BICD1: variants seen among roughly 807,000 people sequenced by gnomAD.
BICD1 encodes protein bicaudal D homolog 1.
BICD1 carries 35 observed loss-of-function variants against 92.5 expected under a neutral mutation model. That is an observed-to-expected ratio of 0.38 (90% confidence interval 0.29 to 0.50). BICD1 has a LOEUF of 0.50. BICD1 is among the 20% of genes least tolerant of loss of function. BICD1 has a pLI of 0.93. For missense variants in BICD1, 950 were observed against 1,189.8 expected (o/e 0.80, Z 2.97); for synonymous variants, 429 against 465.1 (o/e 0.92, Z 1.00).
intron 1 of BICD1, chr12:32,109,214 C>T (rs139513545): frequency 1.3e-5 from 2 of 152,412 alleles, no homozygotes; most frequent in African/African-American, 4.8e-5. Flanking sequence ...TTTGCCTTTG[C>T]TACACCATGA....
At chr12:32,321,926 A>AG (rs1948670022) in intron 4 of BICD1, among the ~76,000 whole-genome samples, 1 of 151,382 alleles carries the variant, frequency 6.6e-6, no homozygotes, top group Non-Finnish European at 1.5e-5. Context: ...TTGAACCTAG[A>AG]AGGCGGAGGT....
Position 32,116,466 on chromosome 12 carries a change from CTCTCTCTCTCTCTCTCTCTCTCTCTT to C in BICD1, c.213+8942_213+8967del, listed in dbSNP as rs1344169280. On this transcript the variant is annotated intron_variant, in intron 1 of 9. Transcript: ENST00000652176. The stretch of plus-strand genomic sequence containing the variant: ...TGTCTGTCTGTCTGTCTGTCTGTCT[CTCTCTCTCTCTCTCTCTCTCTCTCTT>C]TCTCTCTCTCTCTCTCTCTATATAT... Among the ~76,000 whole-genome samples, 581 of 92,870 alleles carry C rather than the reference CTCTCTCTCTCTCTCTCTCTCTCTCTT, an allele frequency of 6.3e-3. 5 individuals carry two copies. Among genetic ancestry groups the C allele is most frequent in the Admixed American group, 0.014 (98 of 6,874 alleles). The allele number at this position is 92,870 out of a possible 152,430, so 60.9% of individuals were successfully genotyped here.
intron 2 of BICD1, among the ~76,000 whole-genome samples, chr12:32,230,212 C>T (rs536330549): frequency 1.3e-5 from 2 of 151,904 alleles, no homozygotes; most frequent in East Asian, 3.9e-4. Context: ...GGAGTGAGTG[C>T]CTGCCATAGG....
chr12:32,286,972 A>C (rs1057432103), intron 2 of BICD1, among the ~76,000 whole-genome samples: 1 of 152,212 alleles, frequency 6.6e-6, no homozygotes, highest in Admixed American at 6.5e-5. Flanking sequence ...CTAAATACTA[A>C]TCTATAAAGT....
In BICD1 at chr12:32,112,001, C is replaced by CTTTT. The variant is rs35592483; in HGVS notation, c.213+4476_213+4479dup. On this transcript the variant is annotated intron_variant, in intron 1 of 9. Transcript: ENST00000652176. ...CCAGTTGCTCTAACTTGCACTATCC[C>CTTTT]TTTTTTTTTTTTTTTTTTTTTTGAG... 1.7e-3 allele frequency among the ~76,000 whole-genome samples: 169 copies of CTTTT among 97,076 alleles called. 4 individuals are homozygous for CTTTT. Among genetic ancestry groups the CTTTT allele is most frequent in the African/African-American group, 6.0e-3 (143 of 23,684 alleles). 63.7% of individuals were successfully genotyped at this position (97,076 alleles called of 152,430 possible).
At chr12:32,270,735 C>G (rs1281678615) in intron 2 of BICD1, among the ~76,000 whole-genome samples, 1 of 152,178 alleles carries the variant, frequency 6.6e-6, no homozygotes, top group African/African-American at 2.4e-5. Context: ...GGCCTTGACC[C>G]ACAAACTAAA....
At chr12:32,200,043 G>GAGGCCTGCGTTAGTGAGAGC (rs1426255780) in intron 1 of BICD1, among the ~76,000 whole-genome samples, 1 of 152,108 alleles carries the variant, frequency 6.6e-6, no homozygotes, top group Non-Finnish European at 1.5e-5. Flanking sequence ...AGTTGTTATG[G>GAGGCCTGCGTTAGTGAGAGC]AGGCCTGCGT....
At chr12:32,301,899 T>C (rs1425278822) in intron 3 of BICD1, among the ~76,000 whole-genome samples, 1 of 152,132 alleles carries the variant, frequency 6.6e-6, no homozygotes, top group Non-Finnish European at 1.5e-5. Context: ...TTTATTTACT[T>C]ATTTTTAGAC....
At chr12:32,375,834 A>T (rs1009913846) in intron 9 of BICD1, among the ~76,000 whole-genome samples, 1 of 152,194 alleles carries the variant, frequency 6.6e-6, no homozygotes, top group Non-Finnish European at 1.5e-5. Context: ...ATTTAATACT[A>T]ATTTTAATGA....
At chr12:32,362,428 C>T (rs555697605) in intron 8 of BICD1, among the ~76,000 whole-genome samples, 1 of 152,222 alleles carries the variant, frequency 6.6e-6, no homozygotes, top group Non-Finnish European at 1.5e-5. Context: ...AATAGAAGCC[C>T]GAGAGAAAGC....
At chr12:32,228,010 C>T (rs1415322476) in intron 2 of BICD1, 4 of 243,354 alleles carry the variant, frequency 1.6e-5, no homozygotes, top group South Asian at 7.2e-5. Context: ...GTAAGGTAGA[C>T]GATGCCTTTC....
chr12:32,226,499 A>G (rs1374584517), intron 2 of BICD1, among the ~76,000 whole-genome samples: 2 of 152,166 alleles, frequency 1.3e-5, no homozygotes, highest in East Asian at 3.9e-4. Context: ...TCTTTAAATA[A>G]CCATCTCCTC....
chr12:32,289,546 C>T (rs918150731), intron 2 of BICD1, among the ~76,000 whole-genome samples: 1 of 152,168 alleles, frequency 6.6e-6, no homozygotes, highest in African/African-American at 2.4e-5. Flanking sequence ...CCACCACACC[C>T]AGCTAATTTT....
intron 1 of BICD1, among the ~76,000 whole-genome samples, chr12:32,214,984 T>C (rs1301290923): frequency 2.0e-5 from 3 of 152,118 alleles, no homozygotes; most frequent in African/African-American, 7.2e-5. Context: ...ATCCCAGCAC[T>C]CTGGGAGGCC....
chr12:32,277,117 G>C (rs1456543893), intron 2 of BICD1, among the ~76,000 whole-genome samples: 4 of 152,228 alleles, frequency 2.6e-5, no homozygotes, highest in Non-Finnish European at 5.9e-5. Context: ...ACTGTGGCCA[G>C]GCACGGTGGC....
Position 32,176,114 on chromosome 12 carries a change from G to T in BICD1, c.214-40133G>T, listed in dbSNP as rs752665342. On this transcript the variant is annotated intron_variant, in intron 1 of 9. Transcript: ENST00000652176. ...CCCTTGTATGCATGTACTACATTTT[G>T]TGTATCTGTTCATTAGTTTTTGGAC... 2.6e-5 allele frequency among the ~76,000 whole-genome samples: 4 copies of T among 152,204 alleles called. No homozygotes were observed. The South Asian group carries it at 8.3e-4, about 32-fold the overall frequency.
rs373956919 is a variant in BICD1 at position 32,143,023 on chromosome 12, C to T, written c.213+35479C>T. On this transcript the variant is annotated intron_variant, in intron 1 of 9. Coordinates refer to ENST00000652176, the MANE Select transcript of BICD1 (RefSeq NM_001714.4). ...TCCTGCTTTTCTTTTCTTCATAGCACTTATTACCTCCTGATTATATTTTTT... is the reference window on the plus strand; with the variant it reads ...TCCTGCTTTTCTTTTCTTCATAGCATTTATTACCTCCTGATTATATTTTTT... Among the ~76,000 whole-genome samples, 28 of 152,298 alleles carry T rather than the reference C, an allele frequency of 1.8e-4. No homozygotes were observed. In the South Asian group the frequency reaches 2.5e-3, roughly 14 times the overall value.
At chr12:32,154,484 T>C (rs1019168651) in intron 1 of BICD1, among the ~76,000 whole-genome samples, 3 of 152,182 alleles carry the variant, frequency 2.0e-5, no homozygotes, top group Admixed American at 6.5e-5. Flanking sequence ...TAGTCTGGCA[T>C]GTAGCACTCA....
intron 1 of BICD1, among the ~76,000 whole-genome samples, chr12:32,198,004 G>C (rs1484073105): frequency 6.6e-6 from 1 of 151,986 alleles, no homozygotes; most frequent in Non-Finnish European, 1.5e-5. Context: ...TGGGGAGTTC[G>C]AGACCAGCCT....
Sources: allele counts gnomAD v4.1 joint callset (sites outside exome capture counted in the v4.1 genomes callset), GRCh38; gene constraint gnomAD v4.1.1; transcripts MANE v1.5; gene names NCBI Gene and HGNC (gene_info 2026-07-23, HGNC 2026-07-21).